The following NLGN1 variants were observed in gnomAD, a reference collection of about 807,000 sequenced individuals.
The protein encoded by NLGN1 is neuroligin-1.
Under a neutral mutation model 65.5 loss-of-function variants are expected in NLGN1, and 12 were observed. That is an observed-to-expected ratio of 0.18 (90% CI 0.12 to 0.30). NLGN1 has a LOEUF of 0.30. Among genes scored for constraint, NLGN1 ranks in the 10% least tolerant of loss-of-function variants. The pLI is 1.00. For synonymous variants in NLGN1, 350 were observed against 359.5 expected (o/e 0.97, Z 0.30); for missense variants, 750 against 1,007.1 (o/e 0.74, Z 3.46).
chr3:173,950,796 A>T (rs1748057028), intron 4 of NLGN1, among the ~76,000 whole-genome samples: 1 of 151,672 alleles, frequency 6.6e-6, no homozygotes, highest in African/African-American at 2.4e-5. Flanking sequence ...GCGACAGAGT[A>T]AGACTTCGTC....
chr3:173,528,594 A>G (rs527856248), intron 2 of NLGN1, among the ~76,000 whole-genome samples: 70 of 152,124 alleles, frequency 4.6e-4, no homozygotes, highest in Non-Finnish European at 9.0e-4. Context: ...AGGTTTGGTC[A>G]CTTCACATAA....
At chr3:173,799,112 CT>C (rs1194483382) in intron 3 of NLGN1, among the ~76,000 whole-genome samples, 3 of 151,994 alleles carry the variant, frequency 2.0e-5, no homozygotes, top group South Asian at 4.1e-4. Flanking sequence ...CTTTCAGTCT[CT>C]TTTTCCCTCC....
chr3:173,610,825 AT>A (rs1752165472), intron 3 of NLGN1, among the ~76,000 whole-genome samples: 1 of 151,968 alleles, frequency 6.6e-6, no homozygotes, highest in Admixed American at 6.6e-5. Context: ...ATAAATAATT[AT>A]TTTAAAGAGT....
At chr3:174,159,673 G>A (rs1388654253) in intron 4 of NLGN1, among the ~76,000 whole-genome samples, 2 of 151,680 alleles carry the variant, frequency 1.3e-5, no homozygotes, top group Non-Finnish European at 3.0e-5. Context: ...AGTTCCCTAG[G>A]CTATGAGGCT....
chr3:174,259,001 A>T (rs968783087), intron 4 of NLGN1, among the ~76,000 whole-genome samples: 2 of 152,190 alleles, frequency 1.3e-5, no homozygotes, highest in African/African-American at 4.8e-5. Context: ...AAGTTTTAAA[A>T]TCACTAAATC....
intron 4 of NLGN1, among the ~76,000 whole-genome samples, chr3:174,095,955 G>A (rs9874579): frequency 0.055 from 8,397 of 151,798 alleles, 293 homozygotes; most frequent in African/African-American, 0.088. Flanking sequence ...AGCCAAGATC[G>A]CGCCACTGCA....
intron 2 of NLGN1, among the ~76,000 whole-genome samples, chr3:173,474,591 G>T (rs184108921): frequency 1.3e-5 from 2 of 152,128 alleles, no homozygotes; most frequent in Non-Finnish European, 2.9e-5. Flanking sequence ...TAATATGTAT[G>T]TACTGATTGT....
intron 4 of NLGN1, among the ~76,000 whole-genome samples, chr3:174,132,535 T>G (rs922769861): frequency 6.6e-6 from 1 of 152,196 alleles, no homozygotes. Flanking sequence ...TTTTTCAGTC[T>G]GTTTATAACC....
At chr3:174,152,665 A>T (rs1455399286) in intron 4 of NLGN1, among the ~76,000 whole-genome samples, 2 of 151,808 alleles carry the variant, frequency 1.3e-5, no homozygotes, top group African/African-American at 2.4e-5. Flanking sequence ...TATATAAAAT[A>T]AAAAAATTAA....
chr3:173,662,875 G>A (rs1293143575), intron 3 of NLGN1, among the ~76,000 whole-genome samples: 1 of 151,944 alleles, frequency 6.6e-6, no homozygotes, highest in Non-Finnish European at 1.5e-5. Context: ...AATGTCAACA[G>A]TATACTTTTC....
chr3:173,613,782 A>G (rs1003598652), intron 3 of NLGN1, among the ~76,000 whole-genome samples: 5 of 152,108 alleles, frequency 3.3e-5, no homozygotes, highest in Non-Finnish European at 5.9e-5. Flanking sequence ...CATAGCTCAT[A>G]ATTTTCATGA....
intron 4 of NLGN1, among the ~76,000 whole-genome samples, chr3:173,992,731 A>G (rs1721382930): frequency 6.6e-6 from 1 of 152,222 alleles, no homozygotes; most frequent in Non-Finnish European, 1.5e-5. Flanking sequence ...TCATTTTTAT[A>G]GACCCAGAAA....
chr3:173,544,157 C>T (rs936847225), intron 2 of NLGN1, among the ~76,000 whole-genome samples: 3 of 151,648 alleles, frequency 2.0e-5, no homozygotes, highest in African/African-American at 7.3e-5. Flanking sequence ...GGCATAATAG[C>T]ATGCCAAGTC....
At chr3:173,426,594 G>A (rs1716155519) in intron 1 of NLGN1, among the ~76,000 whole-genome samples, 2 of 151,934 alleles carry the variant, frequency 1.3e-5, no homozygotes, top group East Asian at 3.9e-4. Context: ...ATAGGTTTTT[G>A]TCCTTCAGTC....
chr3:173,679,430 G>T (rs1249044884), intron 3 of NLGN1, among the ~76,000 whole-genome samples: 1 of 152,038 alleles, frequency 6.6e-6, no homozygotes, highest in Non-Finnish European at 1.5e-5. Context: ...CGGGTTATAT[G>T]AATGGGTTGC....
chr3:173,906,939 A>T (rs1738540751), intron 4 of NLGN1, among the ~76,000 whole-genome samples: 1 of 152,062 alleles, frequency 6.6e-6, no homozygotes, highest in South Asian at 2.1e-4. Flanking sequence ...TTAATTAATA[A>T]ATGCTTGAAA....
chr3:174,178,311 A>G (rs1729806633), intron 4 of NLGN1, among the ~76,000 whole-genome samples: 1 of 152,142 alleles, frequency 6.6e-6, no homozygotes, highest in Non-Finnish European at 1.5e-5. Flanking sequence ...GTTATTCAAT[A>G]GACCTGTTCC....
At chr3:173,581,308 C>A (rs1746358330) in intron 2 of NLGN1, among the ~76,000 whole-genome samples, 1 of 151,958 alleles carries the variant, frequency 6.6e-6, no homozygotes, top group Non-Finnish European at 1.5e-5. Flanking sequence ...TTTCCAGTCC[C>A]CATATTTCAT....
rs142884888 is a variant in NLGN1 at position 173,853,778 on chromosome 3, A to C, written c.646+45946A>C. Among the ~76,000 whole-genome samples the C allele has an allele frequency of 2.2e-4, 34 of 152,192 alleles. No individual in the cohort carries two copies. In the South Asian group the frequency reaches 2.5e-3, roughly 11 times the overall value. ...TTCTGCAGATTTTGCTCATGATTTT[A>C]GGAATATCATGATTTAAATACCAAG... On this transcript the variant is annotated intron_variant, in intron 4 of 6. Coordinates refer to ENST00000457714, the Ensembl canonical transcript of NLGN1.
Sources: gnomAD v4.1 joint callset for allele counts (sites outside exome capture counted in the v4.1 genomes callset) on GRCh38, gnomAD v4.1.1 for gene constraint, MANE v1.5 for transcripts, NCBI Gene and HGNC (gene_info 2026-07-23, HGNC 2026-07-21) for gene names.